GPHN: variants seen among roughly 807,000 people sequenced by gnomAD.
The protein encoded by GPHN is gephyrin.
Under a neutral mutation model 95.5 loss-of-function variants are expected in GPHN, and 17 were observed. The observed-to-expected ratio is 0.18, with a 90% CI of 0.12 to 0.27. GPHN has a LOEUF of 0.27. Ranked by LOEUF, GPHN falls within the 10% of genes least tolerant of loss-of-function variation. The pLI is 1.00. For synonymous variants in GPHN, 320 were observed against 322.5 expected (o/e 0.99, Z 0.08); for missense variants, 660 against 978.1 (o/e 0.67, Z 4.34).
chr14:67,141,479 T>A (rs1166635647), intron 17 of GPHN, among the ~76,000 whole-genome samples: 1 of 152,236 alleles, frequency 6.6e-6, no homozygotes, highest in Non-Finnish European at 1.5e-5. Flanking sequence ...TATGACTTTC[T>A]TGAAAACCTA....
At position 67,045,985 on chromosome 14, in the gene GPHN, C is replaced by T. The variant is rs183168869; in HGVS notation, c.1007-12664C>T. Among the ~76,000 whole-genome samples the T allele has an allele frequency of 2.0e-4, 31 of 152,176 alleles. 2 individuals carry two copies. In the East Asian group the frequency reaches 6.0e-3, roughly 29 times the overall value. On this transcript the variant is annotated intron_variant, in intron 10 of 22. Transcript: ENST00000478722. ...CAAGTTGGTTTCTGGACTTGGATAC[C>T]TCATAGATATTACATATTAATAGAG... is the stretch of plus-strand genomic sequence containing the variant.
chr14:67,235,189 A>G, the GPHN span, among the ~76,000 whole-genome samples: 1 of 151,746 alleles, frequency 6.6e-6, no homozygotes, highest in East Asian at 1.9e-4. Context: ...GATACCATCC[A>G]GACCCAGTCA....
chr14:66,609,084 C>T (rs1442664143), intron 1 of GPHN, among the ~76,000 whole-genome samples: 1 of 152,022 alleles, frequency 6.6e-6, no homozygotes, highest in African/African-American at 2.4e-5. Flanking sequence ...TGTCTATGGG[C>T]TATATGCTTA....
At chr14:67,399,600 G>A in the GPHN span, among the ~76,000 whole-genome samples, 5 of 147,678 alleles carry the variant, frequency 3.4e-5, no homozygotes, top group African/African-American at 1.3e-4. Context: ...GGGTAGTTTA[G>A]GTGGTTCTCA....
chr14:66,641,001 A>G (rs1463754582), intron 1 of GPHN, among the ~76,000 whole-genome samples: 1 of 152,202 alleles, frequency 6.6e-6, no homozygotes, highest in Non-Finnish European at 1.5e-5. Context: ...TATATGCTGC[A>G]TTCAAGAGCC....
At chr14:66,784,611 T>C (rs1344308068) in intron 3 of GPHN, among the ~76,000 whole-genome samples, 1 of 152,180 alleles carries the variant, frequency 6.6e-6, no homozygotes, top group Non-Finnish European at 1.5e-5. Flanking sequence ...GTTGCCTAAA[T>C]GGAGGTAAGA....
intron 9 of GPHN, among the ~76,000 whole-genome samples, chr14:67,013,893 GT>G (rs1265560838): frequency 2.0e-5 from 3 of 151,886 alleles, no homozygotes; most frequent in Admixed American, 2.0e-4. Flanking sequence ...GAAAACGAAT[GT>G]GACTTTCTTC....
the GPHN span, among the ~76,000 whole-genome samples, chr14:67,553,355 A>G: frequency 1.5e-4 from 23 of 151,976 alleles, no homozygotes; most frequent in African/African-American, 5.3e-4. Context: ...CATTGCATTC[A>G]TTAGATTATT....
At chr14:67,532,783 G>A in the GPHN span, among the ~76,000 whole-genome samples, 5 of 152,212 alleles carry the variant, frequency 3.3e-5, no homozygotes, top group Admixed American at 3.3e-4. Flanking sequence ...ACTGAAATAT[G>A]GACTTCTGTT....
chr14:67,557,853 G>T, the GPHN span, among the ~76,000 whole-genome samples: 5 of 152,218 alleles, frequency 3.3e-5, no homozygotes, highest in Admixed American at 2.6e-4. Context: ...CTCCATTCTG[G>T]CCTTGTCGTG....
chr14:67,416,203 T>C, the GPHN span, among the ~76,000 whole-genome samples: 1 of 152,242 alleles, frequency 6.6e-6, no homozygotes, highest in Non-Finnish European at 1.5e-5. Flanking sequence ...GCCCACATCA[T>C]GCTTTGAGTA....
At chr14:67,538,991 G>A in the GPHN span, among the ~76,000 whole-genome samples, 1 of 152,162 alleles carries the variant, frequency 6.6e-6, no homozygotes, top group African/African-American at 2.4e-5. Flanking sequence ...CAATCAGTAA[G>A]AGGGAATCAA....
At chr14:66,700,178 T>C (rs2068426490) in intron 2 of GPHN, among the ~76,000 whole-genome samples, 2 of 152,190 alleles carry the variant, frequency 1.3e-5, no homozygotes, top group African/African-American at 2.4e-5. Flanking sequence ...AAAGAAAAAT[T>C]GGTATCAGTA....
chr14:67,305,948 G>A, the GPHN span, among the ~76,000 whole-genome samples: 1 of 152,140 alleles, frequency 6.6e-6, no homozygotes, highest in African/African-American at 2.4e-5. Flanking sequence ...AGAGCAAAAT[G>A]CCACATCTAT....
intron 1 of GPHN, among the ~76,000 whole-genome samples, chr14:66,623,804 C>T (rs761665466): frequency 4.6e-5 from 7 of 152,082 alleles, no homozygotes; most frequent in Non-Finnish European, 8.8e-5. Flanking sequence ...TTATTGGATA[C>T]GGGTTACCAG....
At chr14:67,429,115 CTGAAGCCA>C in the GPHN span, among the ~76,000 whole-genome samples, 1 of 152,068 alleles carries the variant, frequency 6.6e-6, no homozygotes, top group Admixed American at 6.5e-5. Flanking sequence ...CTCAGCTGGG[CTGAAGCCA>C]TGACTAAAAT....
chr14:67,572,697 T>C, the GPHN span, among the ~76,000 whole-genome samples: 2 of 152,196 alleles, frequency 1.3e-5, no homozygotes, highest in East Asian at 3.8e-4. Context: ...GCCCATCTTA[T>C]GGATGAGAAG....
chr14:67,155,451 A>C (rs1232185266), intron 18 of GPHN, among the ~76,000 whole-genome samples: 1 of 152,226 alleles, frequency 6.6e-6, no homozygotes, highest in East Asian at 1.9e-4. Context: ...ACAATTGATA[A>C]AGTAGACCTA....
At chr14:67,051,416 G>C (rs2075301349) in intron 10 of GPHN, among the ~76,000 whole-genome samples, 2 of 152,146 alleles carry the variant, frequency 1.3e-5, no homozygotes, top group South Asian at 4.1e-4. Context: ...AGAGAAAAAA[G>C]AATGAAAAGG....
Sources: gnomAD v4.1 joint callset for allele counts (sites outside exome capture counted in the v4.1 genomes callset) on GRCh38, gnomAD v4.1.1 for gene constraint, MANE v1.5 for transcripts, NCBI Gene and HGNC (gene_info 2026-07-23, HGNC 2026-07-21) for gene names.